COG5: variants seen among roughly 807,000 people sequenced by gnomAD.
COG5 encodes component of oligomeric golgi complex 5, also known as conserved oligomeric Golgi complex subunit 5.
COG5 carries 86 observed loss-of-function variants against 110.4 expected under a neutral mutation model. The observed-to-expected ratio is 0.78, with a 90% CI of 0.65 to 0.93. COG5 has a LOEUF of 0.93. COG5 is among the 40% of genes least tolerant of loss of function. The pLI is 0.00. For missense variants in COG5, 1,077 were observed against 987.0 expected (o/e 1.09, Z -1.22); for synonymous variants, 360 against 334.6 (o/e 1.08, Z -0.83).
intron 7 of COG5, among the ~76,000 whole-genome samples, chr7:107,381,016 T>C (rs946053240): frequency 2.0e-5 from 3 of 152,138 alleles, no homozygotes; most frequent in East Asian, 1.9e-4. Context: ...ATCACATAAA[T>C]AGAACCCATA....
intron 15 of COG5, 32 bp downstream of exon 15, chr7:107,258,241 T>G (rs1445188638): frequency 1.5e-6 from 2 of 1,336,536 alleles, no homozygotes; most frequent in South Asian, 2.4e-5. Context: ...GAATTTAAAA[T>G]TAAGTAAAAA....
chr7:107,528,506 G>A (rs1276326691), intron 5 of COG5, among the ~76,000 whole-genome samples: 1 of 152,178 alleles, frequency 6.6e-6, no homozygotes, highest in East Asian at 1.9e-4. Flanking sequence ...AAAAGGCTGA[G>A]ATAAGAAATA....
intron 7 of COG5, among the ~76,000 whole-genome samples, chr7:107,397,955 C>T (rs2129059374): frequency 6.6e-6 from 1 of 151,958 alleles, no homozygotes; most frequent in East Asian, 1.9e-4. Context: ...ACAAAAGGTG[C>T]TCAAAAAACT....
At chr7:107,358,664 A>C (rs1812839269) in intron 10 of COG5, among the ~76,000 whole-genome samples, 1 of 152,142 alleles carries the variant, frequency 6.6e-6, no homozygotes, top group South Asian at 2.1e-4. Context: ...GTGACAAACA[A>C]TATGGTTTAT....
intron 11 of COG5, among the ~76,000 whole-genome samples, chr7:107,304,887 C>G (rs1807575471): frequency 6.6e-6 from 1 of 152,212 alleles, no homozygotes; most frequent in Non-Finnish European, 1.5e-5. Context: ...TGACCACTTA[C>G]TACATGCCAA....
chr7:107,408,271 C>T (rs996114633), intron 7 of COG5, among the ~76,000 whole-genome samples: 1 of 152,180 alleles, frequency 6.6e-6, no homozygotes, highest in Non-Finnish European at 1.5e-5. Context: ...AACTAAATGG[C>T]CTATAAAATC....
intron 18 of COG5, among the ~76,000 whole-genome samples, chr7:107,231,638 G>A (rs550622383): frequency 6.6e-6 from 1 of 152,302 alleles, no homozygotes; most frequent in Non-Finnish European, 1.5e-5. Context: ...AAGCACATAT[G>A]ATTTAAGGCT....
Position 107,237,706 on chromosome 7 carries a change from G to C in COG5, c.1854-1019C>G, listed in dbSNP as rs147747069. Among the ~76,000 whole-genome samples the C allele has an allele frequency of 5.3e-5, 8 of 152,336 alleles. No individual in the cohort carries two copies. The East Asian group carries it at 7.7e-4, about 15-fold the overall frequency. ...TTCCAGCAGGAAGGGATTTCATACAGGTATAAGACTGTGCCAACAACAGCA... is the reference window on the plus strand; with the variant it reads ...TTCCAGCAGGAAGGGATTTCATACACGTATAAGACTGTGCCAACAACAGCA... On this transcript the variant is annotated intron_variant, in intron 17 of 21. Transcript: ENST00000297135.
At chr7:107,261,113 A>G (rs1212430447) in intron 14 of COG5, among the ~76,000 whole-genome samples, 1 of 152,072 alleles carries the variant, frequency 6.6e-6, no homozygotes, top group African/African-American at 2.4e-5. Flanking sequence ...GGCTCTCTAC[A>G]TATGCAGGTT....
chr7:107,508,253 G>T (rs1254565508), intron 6 of COG5, among the ~76,000 whole-genome samples: 1 of 152,222 alleles, frequency 6.6e-6, no homozygotes, highest in East Asian at 1.9e-4. Flanking sequence ...GGCTCGGAGG[G>T]TCCTATGCCC....
At chr7:107,330,512 T>G (rs1366109342) in intron 10 of COG5, among the ~76,000 whole-genome samples, 1 of 152,168 alleles carries the variant, frequency 6.6e-6, no homozygotes, top group Non-Finnish European at 1.5e-5. Flanking sequence ...CATATATTCT[T>G]TAGTTTTTCT....
chr7:107,356,981 A>G (rs1399813538), intron 10 of COG5, among the ~76,000 whole-genome samples: 1 of 152,162 alleles, frequency 6.6e-6, no homozygotes, highest in African/African-American at 2.4e-5. Flanking sequence ...TTTGGTGCAT[A>G]TATCACTCTT....
Position 107,331,483 on chromosome 7 carries a change from G to T in COG5, c.1027-6962C>A, listed in dbSNP as rs1162870080. On this transcript the variant is annotated intron_variant, in intron 10 of 21. Transcript: ENST00000297135. ...ACTCCATCTCAAAAAAAAAGAAAAA[G>T]AAAATCACTCTGATAATAATGTGGA... Among the ~76,000 whole-genome samples the T allele has an allele frequency of 1.2e-4, 18 of 151,956 alleles. No homozygotes were observed. In the South Asian group the frequency reaches 1.5e-3, roughly 12 times the overall value.
chr7:107,518,699 A>G (rs1800119070), intron 6 of COG5, among the ~76,000 whole-genome samples: 1 of 152,194 alleles, frequency 6.6e-6, no homozygotes, highest in African/African-American at 2.4e-5. Flanking sequence ...AGACTCCCAC[A>G]CAGTAATAGT....
In COG5 at chr7:107,291,260, G is replaced by GT. The variant is rs1806146958; in HGVS notation, c.1313+6881dup. 3.3e-5 allele frequency among the ~76,000 whole-genome samples: 5 copies of GT among 151,552 alleles called. No individual in the cohort carries two copies. The South Asian group carries it at 8.4e-4, about 25-fold the overall frequency. On this transcript the variant is annotated intron_variant, in intron 12 of 21. Coordinates refer to ENST00000297135, the MANE Select transcript of COG5 (RefSeq NM_006348.5). ...TTATTTTCTTCATTCTTTTCTTTCT[G>GT]TTTTTTTGACTTGTGTAATCTCTAT...
intron 10 of COG5, among the ~76,000 whole-genome samples, chr7:107,335,223 C>G (rs1810605170): frequency 6.6e-6 from 1 of 152,096 alleles, no homozygotes; most frequent in South Asian, 2.1e-4. Context: ...AACCCTGCCT[C>G]TACTAAAAAT....
At chr7:107,364,196 C>T (rs982568206) in intron 8 of COG5, among the ~76,000 whole-genome samples, 1 of 152,118 alleles carries the variant, frequency 6.6e-6, no homozygotes, top group Admixed American at 6.5e-5. Flanking sequence ...AGTATGTTTA[C>T]CCTGAAGCTA....
intron 6 of COG5, among the ~76,000 whole-genome samples, chr7:107,513,897 G>A (rs922275824): frequency 6.6e-6 from 1 of 151,606 alleles, no homozygotes; most frequent in African/African-American, 2.4e-5. Context: ...GGGGACTGTT[G>A]TGGGGTGGGG....
intron 6 of COG5, among the ~76,000 whole-genome samples, chr7:107,467,735 G>A (rs1796384944): frequency 6.6e-6 from 1 of 152,138 alleles, no homozygotes; most frequent in African/African-American, 2.4e-5. Context: ...AAAAACAGGG[G>A]AAGTTGGAAT....
Sources: allele counts gnomAD v4.1 joint callset (sites outside exome capture counted in the v4.1 genomes callset), GRCh38; gene constraint gnomAD v4.1.1; transcripts MANE v1.5; gene names NCBI Gene and HGNC (gene_info 2026-07-23, HGNC 2026-07-21).